The following ADAMTS17 variants were observed in gnomAD, a reference collection of about 807,000 sequenced individuals.
The protein encoded by ADAMTS17 is A disintegrin and metalloproteinase with thrombospondin motifs 17.
ADAMTS17 carries 113 observed loss-of-function variants against 141.5 expected under a neutral mutation model. The ratio of observed to expected loss-of-function variants is 0.80; its 90% CI spans 0.69 to 0.93. The LOEUF (loss-of-function observed/expected upper bound fraction) is 0.93. ADAMTS17 is among the 40% of genes least tolerant of loss of function. The probability of loss-of-function intolerance (pLI) is 0.00; values close to 1 mark genes in which losing one functional copy is unlikely to be tolerated. For synonymous variants in ADAMTS17, 768 were observed against 630.6 expected, an observed-to-expected ratio of 1.22 and a Z score of -3.27; for missense variants, 1,659 against 1,517.9, an observed-to-expected ratio of 1.09 and a Z score of -1.54.
At chr15:100,235,086 C>T (rs2042613209) in intron 7 of ADAMTS17, among the ~76,000 whole-genome samples, 1 of 152,146 alleles carries the variant, frequency 6.6e-6, no homozygotes, top group African/African-American at 2.4e-5. Flanking sequence ...ACTCCTGCCT[C>T]AGCGATTCGA....
chr15:100,295,896 T>C (rs531927758), intron 3 of ADAMTS17, among the ~76,000 whole-genome samples: 92 of 152,250 alleles, frequency 6.0e-4, no homozygotes, highest in Admixed American at 1.2e-3. Context: ...CCTTTCACCA[T>C]AGAAATATCA....
intron 19 of ADAMTS17, among the ~76,000 whole-genome samples, chr15:99,994,936 G>A (rs2060769657): frequency 6.6e-6 from 1 of 152,224 alleles, no homozygotes; most frequent in Admixed American, 6.5e-5. Flanking sequence ...GCTAATTAAG[G>A]CTGGTTGGAA....
chr15:100,158,050 G>A (rs2039517602), intron 8 of ADAMTS17, among the ~76,000 whole-genome samples: 1 of 152,116 alleles, frequency 6.6e-6, no homozygotes, highest in South Asian at 2.1e-4. Context: ...CAGCACGCCT[G>A]GCTAATTTTT....
At chr15:100,185,265 G>T (rs907552086) in intron 8 of ADAMTS17, among the ~76,000 whole-genome samples, 1 of 152,136 alleles carries the variant, frequency 6.6e-6, no homozygotes. Flanking sequence ...GGAGTAGCTG[G>T]GATGAATTAA....
At chr15:100,084,304 C>T (rs1014399859) in intron 15 of ADAMTS17, among the ~76,000 whole-genome samples, 21 of 152,176 alleles carry the variant, frequency 1.4e-4, no homozygotes, top group African/African-American at 4.3e-4. Flanking sequence ...GTGGGGTGTC[C>T]GCCATTGCCG....
chr15:100,264,161 C>G (rs1348683307), intron 4 of ADAMTS17, among the ~76,000 whole-genome samples: 1 of 152,188 alleles, frequency 6.6e-6, no homozygotes, highest in Non-Finnish European at 1.5e-5. Context: ...ATCTCCTTTC[C>G]TCAGGAACAA....
intron 7 of ADAMTS17, among the ~76,000 whole-genome samples, chr15:100,210,195 C>A (rs1003348901): frequency 1.5e-5 from 2 of 129,528 alleles, no homozygotes; most frequent in South Asian, 2.6e-4. Context: ...CGTGCCACTG[C>A]ACTCCAGCCT....
chr15:100,214,091 A>G (rs537074637), intron 7 of ADAMTS17, among the ~76,000 whole-genome samples: 2 of 152,300 alleles, frequency 1.3e-5, no homozygotes, highest in East Asian at 3.9e-4. Flanking sequence ...AAGCCTGGAT[A>G]GAGTTATCTC....
intron 3 of ADAMTS17, among the ~76,000 whole-genome samples, chr15:100,329,555 C>A (rs1004638736): frequency 6.7e-6 from 1 of 149,804 alleles, no homozygotes; most frequent in Non-Finnish European, 1.5e-5. Context: ...ATACTGACAT[C>A]AAATCCACAC....
intron 18 of ADAMTS17, among the ~76,000 whole-genome samples, chr15:100,043,833 G>A (rs2031463420): frequency 6.6e-6 from 1 of 152,222 alleles, no homozygotes; most frequent in Admixed American, 6.5e-5. Context: ...CTTGAACTTG[G>A]CTCAAACGTG....
chr15:100,296,679 A>G (rs756751766), intron 3 of ADAMTS17, among the ~76,000 whole-genome samples: 1 of 152,104 alleles, frequency 6.6e-6, no homozygotes, highest in Non-Finnish European at 1.5e-5. Flanking sequence ...AACAGACCTG[A>G]TGAAATTTGG....
intron 21 of ADAMTS17, among the ~76,000 whole-genome samples, chr15:99,975,395 A>G (rs1226734695): frequency 3.3e-5 from 5 of 152,094 alleles, no homozygotes; most frequent in African/African-American, 1.2e-4. Flanking sequence ...TTTTTAGTAG[A>G]GAAGGGGTTT....
intron 3 of ADAMTS17, among the ~76,000 whole-genome samples, chr15:100,311,206 G>A (rs1001730446): frequency 2.0e-5 from 3 of 152,212 alleles, no homozygotes; most frequent in East Asian, 1.9e-4. Flanking sequence ...ACATTCTCCC[G>A]GCTCTCTCCC....
intron 15 of ADAMTS17, among the ~76,000 whole-genome samples, chr15:100,087,702 G>A (rs925766301): frequency 4.6e-5 from 7 of 152,144 alleles, no homozygotes; most frequent in Admixed American, 1.3e-4. Flanking sequence ...ATCAAGAAAC[G>A]TAATCCAGCA....
chr15:100,296,839 T>TG (rs2044839957), intron 3 of ADAMTS17, among the ~76,000 whole-genome samples: 1 of 152,228 alleles, frequency 6.6e-6, no homozygotes, highest in African/African-American at 2.4e-5. Flanking sequence ...TGCCTATAGA[T>TG]GAAGTTGAAA....
At chr15:100,233,736 T>A (rs984439820) in intron 7 of ADAMTS17, among the ~76,000 whole-genome samples, 1 of 151,788 alleles carries the variant, frequency 6.6e-6, no homozygotes, top group Non-Finnish European at 1.5e-5. Flanking sequence ...GACCTAACGG[T>A]GGGAAGAGAG....
chr15:100,280,856 G>A (rs1257136648), intron 4 of ADAMTS17, among the ~76,000 whole-genome samples: 1 of 152,098 alleles, frequency 6.6e-6, no homozygotes, highest in Non-Finnish European at 1.5e-5. Context: ...TTTTCCCATA[G>A]AGGTTGGAAT....
At chr15:100,065,177 C>T (rs1305492809) in intron 15 of ADAMTS17, among the ~76,000 whole-genome samples, 1 of 152,092 alleles carries the variant, frequency 6.6e-6, no homozygotes, top group South Asian at 2.1e-4. Flanking sequence ...GAGAAAATTA[C>T]CCCAAGAAAG....
chr15:99,986,427 C>A (rs1044344807), intron 20 of ADAMTS17, among the ~76,000 whole-genome samples: 2 of 152,140 alleles, frequency 1.3e-5, no homozygotes, highest in Non-Finnish European at 2.9e-5. Context: ...GCACACAGAT[C>A]CTTGAACATG....
Sources: gnomAD v4.1 joint callset for allele counts (sites outside exome capture counted in the v4.1 genomes callset) on GRCh38, gnomAD v4.1.1 for gene constraint, MANE v1.5 for transcripts, NCBI Gene and HGNC (gene_info 2026-07-23, HGNC 2026-07-21) for gene names.